Variants in ST8SIA2 observed in about 807,000 individuals in gnomAD.
ST8SIA2 encodes the protein ST8 alpha-N-acetyl-neuraminide alpha-2,8-sialyltransferase 2.
A neutral mutation model predicts 37.6 loss-of-function variants in ST8SIA2; 22 were observed. That is an observed-to-expected ratio of 0.58 (90% CI 0.42 to 0.83). ST8SIA2 has a LOEUF of 0.83. Among genes scored for constraint, ST8SIA2 ranks in the 40% least tolerant of loss-of-function variants. The pLI is 0.00. For synonymous variants in ST8SIA2, 205 were observed against 201.2 expected (o/e 1.02, Z -0.16); for missense variants, 382 against 484.7 (o/e 0.79, Z 1.99).
intron 1 of ST8SIA2, among the ~76,000 whole-genome samples, chr15:92,426,499 GC>G (rs1406347793): frequency 2.0e-5 from 3 of 152,158 alleles, no homozygotes; most frequent in Non-Finnish European, 2.9e-5. Context: ...ATGGAAAAGT[GC>G]ATGGATTTGT....
chr15:92,411,900 G>A (rs958347804), intron 1 of ST8SIA2, among the ~76,000 whole-genome samples: 2 of 152,194 alleles, frequency 1.3e-5, no homozygotes, highest in Non-Finnish European at 2.9e-5. Flanking sequence ...CTCTGATTTA[G>A]AGAATTGGAA....
intron 5 of ST8SIA2, among the ~76,000 whole-genome samples, chr15:92,457,431 C>G (rs2141849501): frequency 6.6e-6 from 1 of 152,284 alleles, no homozygotes; most frequent in Admixed American, 6.5e-5. Flanking sequence ...ATTGTCATGG[C>G]ATTTGGGGTA....
intron 5 of ST8SIA2, among the ~76,000 whole-genome samples, chr15:92,452,981 C>T (rs796706262): frequency 5.5e-4 from 83 of 152,224 alleles, no homozygotes; most frequent in African/African-American, 2.0e-3. Context: ...TCTCATTCAA[C>T]ACATCTGAGT....
chr15:92,445,420 G>A (rs564730052), intron 5 of ST8SIA2, among the ~76,000 whole-genome samples: 6 of 152,330 alleles, frequency 3.9e-5, no homozygotes, highest in East Asian at 3.9e-4. Flanking sequence ...GATAATGTAC[G>A]TGAAATGCGT....
At chr15:92,456,687 G>A (rs537029674) in intron 5 of ST8SIA2, among the ~76,000 whole-genome samples, 2 of 152,288 alleles carry the variant, frequency 1.3e-5, no homozygotes, top group African/African-American at 2.4e-5. Context: ...AAACTAAGAT[G>A]TTCCTCGTGG....
intron 1 of ST8SIA2, among the ~76,000 whole-genome samples, chr15:92,411,488 G>A (rs1483529030): frequency 6.6e-6 from 1 of 152,218 alleles, no homozygotes; most frequent in Non-Finnish European, 1.5e-5. Flanking sequence ...CACTGTGGGT[G>A]CAGGACATCA....
At chr15:92,397,854 C>T (rs532297632) in intron 1 of ST8SIA2, among the ~76,000 whole-genome samples, 2 of 152,180 alleles carry the variant, frequency 1.3e-5, no homozygotes, top group East Asian at 3.9e-4. Context: ...CAGAGCTGGC[C>T]GGGAACGGTG....
intron 1 of ST8SIA2, among the ~76,000 whole-genome samples, chr15:92,406,619 C>CCAGGCTACTCCAAG (rs2049509834): frequency 6.6e-6 from 1 of 152,214 alleles, no homozygotes; most frequent in South Asian, 2.1e-4. Flanking sequence ...GCCCATCACA[C>CCAGGCTACTCCAAG]CAGGGGTAGC....
intron 1 of ST8SIA2, among the ~76,000 whole-genome samples, chr15:92,396,392 A>G (rs2141791335): frequency 6.6e-6 from 1 of 151,826 alleles, no homozygotes; most frequent in South Asian, 2.1e-4. Context: ...GAGTAAACAC[A>G]TGGGCAGAGC....
intron 1 of ST8SIA2, among the ~76,000 whole-genome samples, chr15:92,426,684 A>G (rs1299739246): frequency 6.6e-6 from 1 of 152,258 alleles, no homozygotes; most frequent in East Asian, 1.9e-4. Context: ...AAAGTTTCAG[A>G]CAGAAGAAAT....
At chr15:92,419,106 C>T (rs1171157122) in intron 1 of ST8SIA2, among the ~76,000 whole-genome samples, 1 of 152,086 alleles carries the variant, frequency 6.6e-6, no homozygotes, top group East Asian at 1.9e-4. Context: ...CCCAGGGAGC[C>T]CCAGTTCACC....
Position 92,444,839 on chromosome 15 carries a change from G to C in ST8SIA2, c.752G>C (p.Arg251Pro). ...TTCATGGCCCGGGGCGGCAAGGAGC[G>C]TGTTGAGTGGGTCAACGAGCTTATC... is the stretch of plus-strand genomic sequence containing the variant. Reference protein sequence around the residue: ...PAFMARGGKERVEWVNELILK... With the variant: ...PAFMARGGKEPVEWVNELILK... Residue 251 changes from arginine to proline, a missense_variant, in exon 5 of 6, where the codon CGT becomes CCT. Arg to Pro is a moderately radical substitution (Grantham distance 103, BLOSUM62 -2). Coordinates refer to ENST00000268164, the MANE Select transcript of ST8SIA2 (RefSeq NM_006011.4). The C allele has an allele frequency of 6.2e-7, 1 of 1,613,972 alleles. No homozygotes were observed. Among genetic ancestry groups the C allele is most frequent in the Non-Finnish European group, 8.5e-7 (1 of 1,180,040 alleles).
At chr15:92,408,535 G>A (rs1442166872) in intron 1 of ST8SIA2, among the ~76,000 whole-genome samples, 4 of 152,062 alleles carry the variant, frequency 2.6e-5, no homozygotes. Context: ...TTCCTTGAGG[G>A]AGGCTGAGAT....
intron 5 of ST8SIA2, among the ~76,000 whole-genome samples, chr15:92,448,733 C>T (rs530658110): frequency 9.8e-5 from 15 of 152,286 alleles, no homozygotes; most frequent in African/African-American, 3.6e-4. Context: ...TCAAGAGTTC[C>T]AGAGGCTGGA....
At chr15:92,432,598 A>G (rs1242105092) in intron 2 of ST8SIA2, among the ~76,000 whole-genome samples, 5 of 152,156 alleles carry the variant, frequency 3.3e-5, no homozygotes, top group Non-Finnish European at 5.9e-5. Flanking sequence ...TAAAAATTCC[A>G]AAGGGTTAGG....
chr15:92,425,113 T>C (rs552202467), intron 1 of ST8SIA2, among the ~76,000 whole-genome samples: 12 of 152,232 alleles, frequency 7.9e-5, no homozygotes, highest in Non-Finnish European at 1.8e-4. Context: ...CAAATGTTTC[T>C]TACCCGATCA....
At chr15:92,408,304 C>T (rs1273534099) in intron 1 of ST8SIA2, among the ~76,000 whole-genome samples, 1 of 151,958 alleles carries the variant, frequency 6.6e-6, no homozygotes, top group East Asian at 1.9e-4. Flanking sequence ...TCTCACCATC[C>T]TCTGAAGCTC....
intron 1 of ST8SIA2, among the ~76,000 whole-genome samples, chr15:92,400,821 T>G (rs1275103686): frequency 6.6e-6 from 1 of 152,124 alleles, no homozygotes; most frequent in Non-Finnish European, 1.5e-5. Flanking sequence ...ATAGTGGCGT[T>G]GAGAGCAGAC....
chr15:92,438,204 G>C, intron 3 of ST8SIA2, 149 bp from the exon 4 acceptor site: 1 of 1,214,830 alleles, frequency 8.2e-7, no homozygotes, highest in Non-Finnish European at 1.2e-6. Flanking sequence ...GCTGGAACCT[G>C]TTCTCGAGGG....
Sources: gnomAD v4.1 joint callset for allele counts (sites outside exome capture counted in the v4.1 genomes callset) on GRCh38, gnomAD v4.1.1 for gene constraint, MANE v1.5 for transcripts, NCBI Gene and HGNC (gene_info 2026-07-23, HGNC 2026-07-21) for gene names.